NIPBL: variants seen among roughly 807,000 people sequenced by gnomAD.
The protein encoded by NIPBL is NIPBL cohesin loading factor, also known as nipped-B-like protein.
NIPBL carries 19 observed loss-of-function variants against 321.8 expected under a neutral mutation model. The observed-to-expected ratio is 0.06, with a 90% confidence interval of 0.04 to 0.09. NIPBL has a LOEUF of 0.09. Among genes scored for constraint, NIPBL ranks in the 10% least tolerant of loss-of-function variants. The pLI, the probability that NIPBL is intolerant of heterozygous loss-of-function variation, is 1.00. For missense variants in NIPBL, 2,210 were observed against 3,327.0 expected (o/e 0.66, Z 8.26); for synonymous variants, 1,106 against 1,114.1 (o/e 0.99, Z 0.14).
At chr5:37,016,401 C>G (rs1290326297) in intron 23 of NIPBL, among the ~76,000 whole-genome samples, 2 of 151,540 alleles carry the variant, frequency 1.3e-5, no homozygotes, top group Non-Finnish European at 2.9e-5. Context: ...AGTGCTTTAA[C>G]AATTTTTTTT....
chr5:36,956,262 C>T (rs1051220666), intron 3 of NIPBL, among the ~76,000 whole-genome samples: 8 of 151,936 alleles, frequency 5.3e-5, no homozygotes, highest in Admixed American at 5.2e-4. Context: ...ACTGCAAAAC[C>T]AATACATATT....
At chr5:37,041,643 A>G (rs913807084) in intron 34 of NIPBL, among the ~76,000 whole-genome samples, 2 of 150,250 alleles carry the variant, frequency 1.3e-5, no homozygotes, top group Non-Finnish European at 3.0e-5. Flanking sequence ...GCTGACTGCA[A>G]CCTTCGCCTC....
chr5:36,898,683 G>A (rs1259582492), intron 1 of NIPBL, among the ~76,000 whole-genome samples: 1 of 151,994 alleles, frequency 6.6e-6, no homozygotes, highest in Non-Finnish European at 1.5e-5. Flanking sequence ...ACCCAATTTT[G>A]TATTTTTAGC....
chr5:36,926,478 A>G (rs1323231708), intron 1 of NIPBL, among the ~76,000 whole-genome samples: 1 of 152,218 alleles, frequency 6.6e-6, no homozygotes, highest in Non-Finnish European at 1.5e-5. Context: ...CATGTGTAGC[A>G]TCTGCATACA....
At chr5:37,044,086 G>A (rs1362110831) in intron 34 of NIPBL, among the ~76,000 whole-genome samples, 2 of 152,048 alleles carry the variant, frequency 1.3e-5, no homozygotes, top group Admixed American at 6.6e-5. Context: ...GAATTGACTT[G>A]TGTTACATTT....
At chr5:36,997,185 A>G (rs1746225763) in intron 11 of NIPBL, among the ~76,000 whole-genome samples, 2 of 152,056 alleles carry the variant, frequency 1.3e-5, no homozygotes, top group African/African-American at 4.8e-5. Flanking sequence ...ATTCCCTTTA[A>G]TATACATGCC....
intron 2 of NIPBL, 59 bp from the exon 3 acceptor site, chr5:36,955,413 G>A (rs1740828543): frequency 7.5e-7 from 1 of 1,340,696 alleles, no homozygotes; most frequent in Non-Finnish European, 1.1e-6. Context: ...ATACAGATAA[G>A]CACTAAAGAG....
intron 41 of NIPBL, among the ~76,000 whole-genome samples, chr5:37,052,161 G>A (rs1233254461): frequency 1.3e-5 from 2 of 151,826 alleles, no homozygotes; most frequent in Non-Finnish European, 2.9e-5. Flanking sequence ...TGACTCTCCT[G>A]GGCCTCATTT....
rs766979302 is a variant in NIPBL, at chr5:37,003,277, C to T, written c.3785C>T (p.Thr1262Ile). Reference protein sequence around the residue: ...GIMDKLSTDKTVKVLNILEKN... With the variant: ...GIMDKLSTDKIVKVLNILEKN... The stretch of plus-strand genomic sequence containing the variant: ...CTATTTTAGCTTTCAACTGACAAAA[C>T]TGTGAAAGTCTTAAATATCTTGGAG... Residue 1262 changes from threonine to isoleucine, a missense_variant, in exon 16 of 47, where the codon ACT becomes ATT. By Grantham distance (89) the Thr-to-Ile change is moderately conservative. Transcript: ENST00000282516. The T allele has an allele frequency of 1.9e-6, 3 of 1,597,448 alleles. No homozygotes were observed. The highest frequency in any genetic ancestry group is 2.2e-5 in the East Asian group (1 of 44,614).
At chr5:36,970,364 TA>T (rs1201255089) in intron 6 of NIPBL, among the ~76,000 whole-genome samples, 1 of 151,070 alleles carries the variant, frequency 6.6e-6, no homozygotes, top group Admixed American at 6.6e-5. Context: ...CCAGTCTAGG[TA>T]ACAGAGCTGT....
intron 1 of NIPBL, among the ~76,000 whole-genome samples, chr5:36,916,381 T>C (rs1250237477): frequency 6.6e-6 from 1 of 152,230 alleles, no homozygotes; most frequent in African/African-American, 2.4e-5. Flanking sequence ...TAAAAGTATC[T>C]CTTTGGGTTT....
At chr5:37,010,664 T>C (rs1184330559) in intron 21 of NIPBL, among the ~76,000 whole-genome samples, 1 of 152,172 alleles carries the variant, frequency 6.6e-6, no homozygotes, top group African/African-American at 2.4e-5. Context: ...TTTAGAGCAC[T>C]AGACATGGTG....
intron 1 of NIPBL, among the ~76,000 whole-genome samples, chr5:36,912,500 GA>G (rs1748121880): frequency 6.7e-6 from 1 of 148,986 alleles, no homozygotes; most frequent in African/African-American, 2.5e-5. Context: ...ATGTATTACT[GA>G]TTTTTTTTTT....
intron 45 of NIPBL, among the ~76,000 whole-genome samples, chr5:37,062,085 G>A (rs1160649020): frequency 6.6e-6 from 1 of 152,050 alleles, no homozygotes; most frequent in African/African-American, 2.4e-5. Context: ...CAGGTGATCC[G>A]CCGGCCTCCC....
chr5:36,980,069 T>C (rs1743959954), intron 9 of NIPBL, among the ~76,000 whole-genome samples: 1 of 151,744 alleles, frequency 6.6e-6, no homozygotes, highest in South Asian at 2.1e-4. Flanking sequence ...TTTCTACTTA[T>C]AAAAATGGAA....
chr5:37,044,224 C>CTTTTTTTTTTTT, intron 34 of NIPBL, 123 bp from the exon 35 acceptor site: 1 of 776,060 alleles, frequency 1.3e-6, no homozygotes. Context: ...CTCTAACAGA[C>CTTTTTTTTTTTT]TTTTTTTTTT....
intron 45 of NIPBL, 76 bp from the exon 46 acceptor site, chr5:37,063,714 A>G (rs1207294997): frequency 5.5e-6 from 8 of 1,454,354 alleles, no homozygotes; most frequent in Middle Eastern, 2.0e-4. Flanking sequence ...CTACTGCCAT[A>G]GAAAACATTT....
At chr5:36,909,956 G>A (rs1426448249) in intron 1 of NIPBL, among the ~76,000 whole-genome samples, 1 of 151,932 alleles carries the variant, frequency 6.6e-6, no homozygotes, top group Non-Finnish European at 1.5e-5. Context: ...CACACCTGTA[G>A]TCCCAGCTAC....
chr5:36,975,690 A>G, intron 8 of NIPBL, 86 bp from the exon 9 acceptor site: 7 of 1,251,464 alleles, frequency 5.6e-6, no homozygotes, highest in Non-Finnish European at 7.0e-6. Flanking sequence ...TAGTATTACT[A>G]TATTGTCACT....
Sources: gnomAD v4.1 joint callset for allele counts (sites outside exome capture counted in the v4.1 genomes callset) on GRCh38, gnomAD v4.1.1 for gene constraint, MANE v1.5 for transcripts, NCBI Gene and HGNC (gene_info 2026-07-23, HGNC 2026-07-21) for gene names.